ROS1: variants seen among roughly 807,000 people sequenced by gnomAD.
The protein encoded by ROS1 is ROS proto-oncogene 1, receptor tyrosine kinase, also known as proto-oncogene tyrosine-protein kinase ROS.
A neutral mutation model predicts 273.5 loss-of-function variants in ROS1; 263 were observed. The ratio of observed to expected loss-of-function variants is 0.96; its 90% CI spans 0.87 to 1.06. The LOEUF is 1.06. ROS1 is among the 50% of genes least tolerant of loss of function. The probability of loss-of-function intolerance (pLI) is 0.00; values close to 1 mark genes in which losing one functional copy is unlikely to be tolerated. For missense variants in ROS1, 2,833 were observed against 2,751.1 expected (o/e 1.03, Z -0.67); for synonymous variants, 1,008 against 954.1 (o/e 1.06, Z -1.04).
chr6:117,341,554 T>C lies in ROS1; in HGVS notation c.4730A>G (p.Lys1577Arg). 1.2e-6 allele frequency: 2 copies of C among 1,613,848 alleles called. No homozygotes were observed. The highest frequency in any genetic ancestry group is 1.7e-6 in the Non-Finnish European group (2 of 1,179,798). ...GACTGATTCTTTAGGTCCATTTGGCTTGTGAGATTCTCTCCAAGATATAAT... is the reference window on the plus strand; with the variant it reads ...GACTGATTCTTTAGGTCCATTTGGCCTGTGAGATTCTCTCCAAGATATAAT... ...SLIISWRESH[K>R]PNGPKESVRY... The change falls in exon 30 of 44, where the codon AAG becomes AGG. Residue 1577 changes from lysine (K) to arginine (R), a missense_variant. Transcript: ENST00000368507.
At position 117,359,996 on chromosome 6, in the gene ROS1, G is replaced by A. The variant is rs1311786162; in HGVS notation, c.3446C>T (p.Pro1149Leu). The A allele has an allele frequency of 6.2e-7, 1 of 1,613,226 alleles. No homozygotes were observed. The highest frequency in any genetic ancestry group is 1.1e-5 in the South Asian group (1 of 90,940). Residue 1149 changes from proline (P) to leucine (L), a missense_variant, in exon 24 of 44, where the codon CCT (proline) becomes CTT (leucine). Transcript: ENST00000368507. ...GTTACCAAGAAGAGTTATGAGGTGAGGAAATGGGTTGATTTCTGAAAGCAA... is the reference window on the plus strand; with the variant it reads ...GTTACCAAGAAGAGTTATGAGGTGAAGAAATGGGTTGATTTCTGAAAGCAA... ...KSTTSEINPFPHLITLLGNKI... is the reference protein window; with the variant it reads ...KSTTSEINPFLHLITLLGNKI...
In ROS1 at chr6:117,396,985, G is replaced by T. The variant is rs747794595; in HGVS notation, c.736C>A (p.Gln246Lys). The T allele has an allele frequency of 2.4e-5, 39 of 1,613,910 alleles. No homozygotes were observed. Among genetic ancestry groups the T allele is most frequent in the Admixed American group, 6.7e-5 (4 of 59,984 alleles). ...CTCTGTGTCCCTGCATCTAATTTTT[G>T]ATTTTTGCTGATCAGCCTTAAGTTA... ...GYNLRLISKN[Q>K]KLDAGTQRTS... is the part of the protein sequence containing the mutation. Residue 246 changes from glutamine to lysine, a missense_variant, in exon 8 of 44, where the codon CAA (glutamine) becomes AAA (lysine). Coordinates refer to ENST00000368507, the MANE Select transcript of ROS1 (RefSeq NM_001378902.1).
At chr6:117,304,014 C>T (rs1774926438) in intron 42 of ROS1, among the ~76,000 whole-genome samples, 1 of 152,110 alleles carries the variant, frequency 6.6e-6, no homozygotes, top group Admixed American at 6.6e-5. Context: ...TACACCATAT[C>T]AGAATAAATG....
chr6:117,326,087 AAGATTATAT>A (rs1400352422), intron 34 of ROS1, 128 bp downstream of exon 34: 681 of 173,234 alleles, frequency 3.9e-3, no homozygotes, highest in Non-Finnish European at 5.1e-3. Context: ...TTTGGATAAT[AAGATTATAT>A]ATATATATAT....
chr6:117,359,099 A>G (rs946623475), intron 24 of ROS1, among the ~76,000 whole-genome samples: 5 of 150,836 alleles, frequency 3.3e-5, no homozygotes, highest in African/African-American at 1.2e-4. Context: ...TCATCCAAAC[A>G]CTCTATGGCT....
rs755458230 is a variant in ROS1 at position 117,326,259 on chromosome 6, T to C, written c.5504A>G (p.Tyr1835Cys). The change falls in exon 34 of 44, where the codon TAT becomes TGT. Residue 1835 changes from tyrosine (Y) to cysteine (C), a missense_variant. By Grantham distance (194) the Tyr-to-Cys change is radical (BLOSUM62 -2). Coordinates refer to ENST00000368507, the MANE Select transcript of ROS1 (RefSeq NM_001378902.1). ...TATAATATTCTCACTGATTCCACTA[T>C]ATTCACCAAACCCTAGATTATTTGC... ...VAANNLGFGE[Y>C]SGISENIILV... 2 of 1,603,358 alleles carry C rather than the reference T, an allele frequency of 1.2e-6. No homozygotes were observed. The highest frequency in any genetic ancestry group is 2.3e-5 in the South Asian group (2 of 88,490).
At chr6:117,340,495 T>C (rs923428615) in intron 31 of ROS1, among the ~76,000 whole-genome samples, 1 of 152,168 alleles carries the variant, frequency 6.6e-6, no homozygotes, top group African/African-American at 2.4e-5. Context: ...ATAGTTAAAA[T>C]AACAAGTAGC....
At chr6:117,385,163 G>A (rs1302312273) in intron 16 of ROS1, among the ~76,000 whole-genome samples, 6 of 152,178 alleles carry the variant, frequency 3.9e-5, no homozygotes, top group Non-Finnish European at 8.8e-5. Flanking sequence ...ACGCTCAGGT[G>A]AGCATTTTCA....
intron 22 of ROS1, among the ~76,000 whole-genome samples, chr6:117,361,152 A>AT (rs1474343601): frequency 1.3e-5 from 2 of 151,748 alleles, no homozygotes; most frequent in Non-Finnish European, 2.9e-5. Context: ...GTCTACATAC[A>AT]TTTTTTCCCA....
At chr6:117,401,641 G>T (rs1773939373) in intron 7 of ROS1, among the ~76,000 whole-genome samples, 1 of 152,102 alleles carries the variant, frequency 6.6e-6, no homozygotes, top group Non-Finnish European at 1.5e-5. Context: ...TCCCTAGCTG[G>T]AATGCAAGCT....
intron 24 of ROS1, among the ~76,000 whole-genome samples, chr6:117,359,478 A>G (rs774184688): frequency 6.6e-6 from 1 of 152,090 alleles, no homozygotes; most frequent in Non-Finnish European, 1.5e-5. Flanking sequence ...TCCAAAACTC[A>G]CCTTCTTAAT....
chr6:117,300,675 G>C (rs775522725), intron 43 of ROS1, among the ~76,000 whole-genome samples: 1 of 152,100 alleles, frequency 6.6e-6, no homozygotes, highest in Admixed American at 6.5e-5. Context: ...CTGGTGTGTG[G>C]GGGGAGAAGA....
At chr6:117,419,089 G>A (rs575267420) in intron 1 of ROS1, among the ~76,000 whole-genome samples, 17 of 152,228 alleles carry the variant, frequency 1.1e-4, no homozygotes, top group African/African-American at 3.9e-4. Flanking sequence ...GATAATCTGG[G>A]CCATCAGATA....
intron 31 of ROS1, among the ~76,000 whole-genome samples, chr6:117,338,539 C>CAAAAAAAAAAA (rs3086778): frequency 4.2e-5 from 6 of 141,606 alleles, no homozygotes; most frequent in African/African-American, 1.6e-4. Flanking sequence ...AACTCCTGGC[C>CAAAAAAAAAAA]AAAAAAAAAA....
chr6:117,398,693 A>AAAAAAAAAAAAAAAAC lies in ROS1; in HGVS notation c.605-1578_605-1577insGTTTTTTTTTTTTTTT, dbSNP rs1554252569. ...GACCTTGTCTCAAAAAAAAAAAAAA[A>AAAAAAAAAAAAAAAAC]AAAACTCGCGGTGACTCATGCTTGT... On this transcript the variant is annotated intron_variant, in intron 7 of 43. Coordinates refer to ENST00000368507, the MANE Select transcript of ROS1 (RefSeq NM_001378902.1). Among the ~76,000 whole-genome samples, 1,198 of 140,890 alleles carry AAAAAAAAAAAAAAAAC rather than the reference A, an allele frequency of 8.5e-3. 32 individuals carry two copies. The highest frequency in any genetic ancestry group is 0.018 in the East Asian group (83 of 4,662). The allele number at this position is 140,890 out of a possible 152,430, so 92.4% of individuals were successfully genotyped here. A position where few individuals can be genotyped will look rare whatever the true frequency, so the allele number is the denominator to read the frequency against.
chr6:117,420,173 T>C (rs1037596718), intron 1 of ROS1, among the ~76,000 whole-genome samples: 2 of 151,916 alleles, frequency 1.3e-5, no homozygotes, highest in African/African-American at 4.8e-5. Flanking sequence ...GCAGAGTGAT[T>C]GACTCCAGAA....
intron 17 of ROS1, 82 bp from the exon 18 acceptor site, chr6:117,379,241 G>T (rs1443941663): frequency 3.8e-6 from 3 of 788,664 alleles, no homozygotes; most frequent in Non-Finnish European, 6.3e-6. Flanking sequence ...TTAAGCTATA[G>T]ATTTCTCTTT....
intron 40 of ROS1, among the ~76,000 whole-genome samples, 162 bp from the exon 41 acceptor site, chr6:117,310,443 G>T (rs1268376172): frequency 1.3e-5 from 2 of 150,952 alleles, no homozygotes; most frequent in Non-Finnish European, 2.9e-5. Flanking sequence ...TGTTACATAG[G>T]TATACATGTG....
chr6:117,403,810 C>A (rs1409613793), intron 6 of ROS1, among the ~76,000 whole-genome samples: 1 of 152,138 alleles, frequency 6.6e-6, no homozygotes, highest in Non-Finnish European at 1.5e-5. Flanking sequence ...ATAAAATAAG[C>A]CTTAATGTTA....
Sources: allele counts gnomAD v4.1 joint callset (sites outside exome capture counted in the v4.1 genomes callset), GRCh38; gene constraint gnomAD v4.1.1; transcripts MANE v1.5; gene names NCBI Gene and HGNC (gene_info 2026-07-23, HGNC 2026-07-21).